Variants in PLEK observed in about 807,000 individuals in gnomAD.
The protein encoded by PLEK is pleckstrin.
A neutral mutation model predicts 43.9 loss-of-function variants in PLEK; 25 were observed. The observed-to-expected ratio is 0.57, with a 90% CI of 0.41 to 0.79. The LOEUF (loss-of-function observed/expected upper bound fraction) is 0.79. Among genes scored for constraint, PLEK ranks in the 30% least tolerant of loss-of-function variants. The probability of loss-of-function intolerance (pLI) is 0.00; values close to 1 mark genes in which losing one functional copy is unlikely to be tolerated. For missense variants in PLEK, 396 were observed against 413.3 expected, an observed-to-expected ratio of 0.96 and a Z score of 0.36; for synonymous variants, 152 against 144.4, an observed-to-expected ratio of 1.05 and a Z score of -0.38.
chr2:68,369,221 C>G (rs1215996960), intron 1 of PLEK, among the ~76,000 whole-genome samples: 2 of 152,198 alleles, frequency 1.3e-5, no homozygotes, highest in Non-Finnish European at 2.9e-5. Context: ...CAATTATTAT[C>G]CTTACTTAAC....
chr2:68,388,259 T>G, intron 5 of PLEK, 128 bp from the exon 6 acceptor site: 2 of 632,096 alleles, frequency 3.2e-6, no homozygotes, highest in South Asian at 3.7e-5. Context: ...CAGATTGGGA[T>G]GTACACAGGA....
chr2:68,388,279 A>G (rs749559016), intron 5 of PLEK, 108 bp from the exon 6 acceptor site: 1 of 696,326 alleles, frequency 1.4e-6, no homozygotes, highest in Non-Finnish European at 2.7e-6. Context: ...AATGGAGGAA[A>G]AAGGAGGAGG....
At position 68,381,823 on chromosome 2, in the gene PLEK, C is replaced by A. The variant is rs191726180; in HGVS notation, c.381-719C>A. On this transcript the variant is annotated intron_variant, in intron 3 of 8. Transcript: ENST00000234313. The stretch of plus-strand genomic sequence containing the variant: ...AAAGCTTTTTGGCAAAGAGCTCCAA[C>A]GAGGCACCTAGTGCAGCTGCAGCTG... Among the ~76,000 whole-genome samples the A allele has an allele frequency of 2.2e-4, 34 of 152,278 alleles. No individual in the cohort carries two copies. The East Asian group carries it at 6.2e-3, about 28-fold the overall frequency.
intron 1 of PLEK, among the ~76,000 whole-genome samples, chr2:68,379,481 A>G (rs1341096213): frequency 2.6e-5 from 4 of 152,218 alleles, no homozygotes; most frequent in Non-Finnish European, 4.4e-5. Context: ...AAAATAGGCA[A>G]TTAAACATGT....
At chr2:68,386,930 T>C (rs1673757292) in intron 5 of PLEK, among the ~76,000 whole-genome samples, 1 of 152,210 alleles carries the variant, frequency 6.6e-6, no homozygotes. Context: ...TTTGTTATTA[T>C]AAAAGGATAC....
At chr2:68,380,161 C>G (rs72894177) in intron 1 of PLEK, among the ~76,000 whole-genome samples, 167 bp from the exon 2 acceptor site, 25,312 of 151,984 alleles carry the variant, frequency 0.17, 2,689 homozygotes, top group African/African-American at 0.31. Context: ...GAGAATGGCT[C>G]CCCAAGTAGC....
At chr2:68,390,825 A>G (rs1233956234) in intron 6 of PLEK, among the ~76,000 whole-genome samples, 4 of 152,200 alleles carry the variant, frequency 2.6e-5, no homozygotes, top group Non-Finnish European at 5.9e-5. Context: ...TCATCCCAGG[A>G]TAAATAATCC....
intron 1 of PLEK, among the ~76,000 whole-genome samples, chr2:68,379,434 G>A (rs1283350639): frequency 1.3e-5 from 2 of 151,438 alleles, no homozygotes; most frequent in African/African-American, 2.4e-5. Flanking sequence ...CCTTCCAACC[G>A]AACACCAATA....
At chr2:68,379,408 C>A (rs1673567496) in intron 1 of PLEK, among the ~76,000 whole-genome samples, 1 of 151,920 alleles carries the variant, frequency 6.6e-6, no homozygotes. Context: ...GTTCTAAAAC[C>A]CTGAAAAATG....
At chr2:68,382,405 T>G (rs1673641457) in intron 3 of PLEK, 137 bp from the exon 4 acceptor site, 2 of 596,050 alleles carry the variant, frequency 3.4e-6, no homozygotes, top group South Asian at 4.1e-5. Context: ...GGAGGGAGAT[T>G]AAGCTCAGGG....
intron 5 of PLEK, among the ~76,000 whole-genome samples, chr2:68,386,953 G>GA (rs199854408): frequency 2.0e-5 from 3 of 151,942 alleles, no homozygotes; most frequent in Admixed American, 6.5e-5. Flanking sequence ...CTGTTTACTT[G>GA]AAAAAAAATT....
At chr2:68,370,529 T>G (rs7574592) in intron 1 of PLEK, among the ~76,000 whole-genome samples, 121,562 of 152,142 alleles carry the variant, frequency 0.8, 49,325 homozygotes, top group African/African-American at 0.93. Context: ...TCTGTAGTCT[T>G]GGCTGGAGTG....
At chr2:68,366,348 C>A (rs1673274781) in intron 1 of PLEK, among the ~76,000 whole-genome samples, 1 of 152,214 alleles carries the variant, frequency 6.6e-6, no homozygotes, top group East Asian at 1.9e-4. Context: ...GGTTAAATAG[C>A]ACACATTGCT....
intron 5 of PLEK, 123 bp from the exon 6 acceptor site, chr2:68,388,264 A>G: frequency 1.5e-6 from 1 of 665,926 alleles, no homozygotes. Context: ...TGGGATGTAC[A>G]CAGGAATGGA....
At chr2:68,365,419 G>T (rs1186026802) in intron 1 of PLEK, 26 bp downstream of exon 1, 7 of 1,594,462 alleles carry the variant, frequency 4.4e-6, no homozygotes, top group Non-Finnish European at 5.2e-6. Flanking sequence ...ACTTACCAGG[G>T]TGTCAGTGGA....
rs1416675009 is a variant in PLEK, at chr2:68,396,014, C to A, written c.*198C>A. On this transcript the variant is annotated 3_prime_UTR_variant, in exon 9 of 9. Coordinates refer to ENST00000234313, the MANE Select transcript of PLEK (RefSeq NM_002664.3). The stretch of plus-strand genomic sequence containing the variant: ...TGTATTGCTCACTGCAGCCCCTCTG[C>A]CCCTATCCATGACCCCCAAGCAGAT... 2.1e-5 allele frequency: 12 copies of A among 570,114 alleles called. No individual in the cohort carries two copies. Among genetic ancestry groups the A allele is most frequent in the Admixed American group, 6.0e-5 (2 of 33,476 alleles). The allele number at this position is 570,114 out of a possible 1,614,324, so 35.3% of individuals were successfully genotyped here.
chr2:68,368,487 C>G (rs772642147), intron 1 of PLEK, among the ~76,000 whole-genome samples: 1 of 152,166 alleles, frequency 6.6e-6, no homozygotes, highest in East Asian at 1.9e-4. Context: ...CTCATTGATC[C>G]CAGGCAGCAT....
At chr2:68,387,991 G>C (rs1673781970) in intron 5 of PLEK, 2 of 166,224 alleles carry the variant, frequency 1.2e-5, no homozygotes, top group South Asian at 3.2e-4. Context: ...ATGTTGAGCT[G>C]GTGATAGTAT....
chr2:68,394,313 T>A, intron 8 of PLEK, 137 bp downstream of exon 8: 1 of 676,740 alleles, frequency 1.5e-6, no homozygotes, highest in Non-Finnish European at 2.8e-6. Context: ...GGCTCCCACC[T>A]GTAATCCCGG....
Sources: allele counts gnomAD v4.1 joint callset (sites outside exome capture counted in the v4.1 genomes callset), GRCh38; gene constraint gnomAD v4.1.1; transcripts MANE v1.5; gene names NCBI Gene and HGNC (gene_info 2026-07-23, HGNC 2026-07-21).